Variants in TM2D1 observed in about 807,000 individuals in gnomAD.
The protein encoded by TM2D1 is TM2 domain containing 1.
Under a neutral mutation model 28.4 loss-of-function variants are expected in TM2D1, and 15 were observed. That is an observed-to-expected ratio of 0.53 (90% CI 0.35 to 0.81). The LOEUF (loss-of-function observed/expected upper bound fraction) is 0.81, where lower values mean the gene tolerates loss of function less well. Among genes scored for constraint, TM2D1 ranks in the 40% least tolerant of loss-of-function variants. The pLI is 0.01. For synonymous variants in TM2D1, 93 were observed against 96.2 expected, an observed-to-expected ratio of 0.97 and a Z score of 0.20; for missense variants, 236 against 254.9, an observed-to-expected ratio of 0.93 and a Z score of 0.50.
chr1:61,698,754 T>G (rs1188514168), intron 4 of TM2D1: 2 of 151,998 alleles, frequency 1.3e-5, no homozygotes, highest in Non-Finnish European at 2.9e-5. Context: ...TTTTTTTCTT[T>G]TTTGTAGAAA....
intron 4 of TM2D1, among the ~76,000 whole-genome samples, 197 bp from the exon 5 acceptor site, chr1:61,694,967 A>C (rs1644353669): frequency 6.6e-6 from 1 of 152,068 alleles, no homozygotes; most frequent in Non-Finnish European, 1.5e-5. Flanking sequence ...CAGAAATGCC[A>C]AAAAATAATT....
At chr1:61,707,495 T>C (rs1428342876) in intron 3 of TM2D1, among the ~76,000 whole-genome samples, 8 of 152,228 alleles carry the variant, frequency 5.3e-5, no homozygotes, top group African/African-American at 1.7e-4. Flanking sequence ...TTTAATGTAT[T>C]AGTTGTTTAG....
intron 5 of TM2D1, among the ~76,000 whole-genome samples, chr1:61,685,612 A>G (rs1644279477): frequency 6.6e-6 from 1 of 152,254 alleles, no homozygotes; most frequent in Non-Finnish European, 1.5e-5. Context: ...TACACATGTT[A>G]ATATTCAAGT....
At chr1:61,686,780 A>G (rs1483578091) in intron 5 of TM2D1, 1 of 966,400 alleles carries the variant, frequency 1.0e-6, no homozygotes, top group Non-Finnish European at 1.2e-6. Flanking sequence ...TATTAATTAT[A>G]AAATTACAAA....
chr1:61,711,130 G>C (rs1644475465), intron 2 of TM2D1, among the ~76,000 whole-genome samples: 1 of 151,990 alleles, frequency 6.6e-6, no homozygotes, highest in Non-Finnish European at 1.5e-5. Flanking sequence ...TTGAGGTTTG[G>C]AGTGCGACAC....
intron 4 of TM2D1, chr1:61,700,054 A>G (rs949132998): frequency 3.8e-6 from 5 of 1,327,340 alleles, no homozygotes; most frequent in Non-Finnish European, 4.8e-6. Flanking sequence ...AAGGGCTAAT[A>G]TAGAAGCAGA....
intron 2 of TM2D1, among the ~76,000 whole-genome samples, chr1:61,715,645 C>CAAAAAAA (rs759796747): frequency 9.1e-4 from 15 of 16,412 alleles, no homozygotes; most frequent in South Asian, 5.4e-3. Flanking sequence ...AAGACTGTCT[C>CAAAAAAA]AAAAAAAAAA....
chr1:61,713,204 G>A (rs1045681869), intron 2 of TM2D1, among the ~76,000 whole-genome samples: 3 of 146,698 alleles, frequency 2.0e-5, no homozygotes, highest in Non-Finnish European at 4.5e-5. Flanking sequence ...TAGGCCGGGT[G>A]CAGCGGCTCA....
At chr1:61,686,729 T>C (rs1467052737) in intron 5 of TM2D1, 2 of 843,800 alleles carry the variant, frequency 2.4e-6, no homozygotes, top group Non-Finnish European at 2.9e-6. Context: ...ATAATAAATG[T>C]GCCAATTCTA....
At chr1:61,713,162 TCCA>T (rs1472811983) in intron 2 of TM2D1, among the ~76,000 whole-genome samples, 3 of 137,242 alleles carry the variant, frequency 2.2e-5, no homozygotes, top group Admixed American at 7.6e-5. Flanking sequence ...AGAATGAGAC[TCCA>T]CCTCAAAAAA....
At chr1:61,690,193 A>G (rs1464747734) in intron 5 of TM2D1, among the ~76,000 whole-genome samples, 1 of 152,220 alleles carries the variant, frequency 6.6e-6, no homozygotes, top group Non-Finnish European at 1.5e-5. Context: ...ACAGTGGCTA[A>G]TGCCTGTAAT....
intron 5 of TM2D1, chr1:61,686,776 T>C: frequency 2.1e-6 from 2 of 964,202 alleles, no homozygotes; most frequent in South Asian, 9.6e-5. Flanking sequence ...GTATTATTAA[T>C]TATAAAATTA....
rs2148056482 is a variant in TM2D1, at chr1:61,708,955, A to G, written c.347+374T>C. 3.3e-5 allele frequency among the ~76,000 whole-genome samples: 5 copies of G among 152,212 alleles called. 1 individual carries two copies. In the South Asian group the frequency reaches 1.0e-3, roughly 32 times the overall value. ...CGAGATGGGAGAATCATGTCAGGCC[A>G]GGAGTTCGAGACCAGCGCTGGGAAA... is the stretch of plus-strand genomic sequence containing the variant. On this transcript the variant is annotated intron_variant, in intron 3 of 6. Coordinates refer to ENST00000606498, the MANE Select transcript of TM2D1 (RefSeq NM_032027.3).
chr1:61,720,479 T>A (rs777261543), intron 2 of TM2D1, among the ~76,000 whole-genome samples: 1 of 152,134 alleles, frequency 6.6e-6, no homozygotes, highest in Non-Finnish European at 1.5e-5. Context: ...TGACCTCACA[T>A]GATCCGCACA....
intron 2 of TM2D1, among the ~76,000 whole-genome samples, chr1:61,716,586 T>C (rs141054737): frequency 0.014 from 2,105 of 146,766 alleles, 45 homozygotes; most frequent in African/African-American, 0.049. Flanking sequence ...ATTTTATATA[T>C]ATATATACAC....
In TM2D1 at chr1:61,712,880, A is replaced by C. The variant is rs118108123; in HGVS notation, c.239-3443T>G. Among the ~76,000 whole-genome samples the C allele has an allele frequency of 2.0e-4, 31 of 152,268 alleles. No homozygotes were observed. In the East Asian group the frequency reaches 5.0e-3, roughly 25 times the overall value. ...ACATCAATTTTAGGAAAGAGTGCAC[A>C]CTTAAAAGCTGAGAATTGGCTGGGC... On this transcript the variant is annotated intron_variant, in intron 2 of 6. Coordinates refer to ENST00000606498, the MANE Select transcript of TM2D1 (RefSeq NM_032027.3).
chr1:61,715,645 C>CAAAAAAAAAAAAAA (rs759796747), intron 2 of TM2D1, among the ~76,000 whole-genome samples: 1 of 16,424 alleles, frequency 6.1e-5, no homozygotes, highest in African/African-American at 1.6e-4. Context: ...AAGACTGTCT[C>CAAAAAAAAAAAAAA]AAAAAAAAAA....
intron 3 of TM2D1, among the ~76,000 whole-genome samples, chr1:61,703,364 T>C (rs1170223480): frequency 2.0e-5 from 3 of 147,270 alleles, no homozygotes; most frequent in African/African-American, 4.9e-5. Flanking sequence ...TATTACTATA[T>C]ATAATATACT....
chr1:61,715,491 T>C (rs1156466842), intron 2 of TM2D1, among the ~76,000 whole-genome samples: 1 of 150,928 alleles, frequency 6.6e-6, no homozygotes, highest in East Asian at 2.0e-4. Flanking sequence ...CTACTAAAAA[T>C]ACACAAATTA....
Sources: allele counts gnomAD v4.1 joint callset (sites outside exome capture counted in the v4.1 genomes callset), GRCh38; gene constraint gnomAD v4.1.1; transcripts MANE v1.5; gene names NCBI Gene and HGNC (gene_info 2026-07-23, HGNC 2026-07-21).